Variants in CCDC102B observed in about 807,000 individuals in gnomAD.
CCDC102B encodes coiled-coil domain-containing protein 102B.
Under a neutral mutation model 57.4 loss-of-function variants are expected in CCDC102B, and 75 were observed. That is an observed-to-expected ratio of 1.31 (90% CI 1.08 to 1.58). The LOEUF (loss-of-function observed/expected upper bound fraction) is 1.58, where lower values mean the gene tolerates loss of function less well. Ranked by LOEUF, CCDC102B falls within the 40% of genes most tolerant of loss-of-function variation. CCDC102B has a pLI of 0.00. For missense variants in CCDC102B, 636 were observed against 582.6 expected (o/e 1.09, Z -0.94); for synonymous variants, 206 against 201.9 (o/e 1.02, Z -0.17).
At chr18:68,990,849 G>C (rs1278109342) in intron 6 of CCDC102B, among the ~76,000 whole-genome samples, 3 of 152,118 alleles carry the variant, frequency 2.0e-5, no homozygotes, top group Non-Finnish European at 4.4e-5. Context: ...TTTAAGAGCT[G>C]TTAATATACT....
chr18:68,855,874 T>C (rs1271085388), intron 4 of CCDC102B, among the ~76,000 whole-genome samples: 1 of 152,134 alleles, frequency 6.6e-6, no homozygotes, highest in Non-Finnish European at 1.5e-5. Flanking sequence ...CTCTTTCCCA[T>C]AGGAAAAATT....
chr18:68,792,592 C>T (rs1439453230), intron 2 of CCDC102B, among the ~76,000 whole-genome samples: 2 of 152,172 alleles, frequency 1.3e-5, no homozygotes, highest in African/African-American at 2.4e-5. Flanking sequence ...GTGTTTGTGA[C>T]GTACTGTTTT....
At chr18:68,719,888 C>A (rs2032233116) in intron 2 of CCDC102B, among the ~76,000 whole-genome samples, 1 of 152,030 alleles carries the variant, frequency 6.6e-6, no homozygotes, top group Non-Finnish European at 1.5e-5. Flanking sequence ...ACAAACAGGC[C>A]CATTTCACTT....
chr18:69,012,339 A>G (rs2145397206), intron 7 of CCDC102B, among the ~76,000 whole-genome samples: 1 of 152,226 alleles, frequency 6.6e-6, no homozygotes, highest in Middle Eastern at 3.4e-3. Context: ...TTAAGATATC[A>G]CCTGAGACTA....
intron 7 of CCDC102B, among the ~76,000 whole-genome samples, chr18:69,050,704 C>A (rs2052682645): frequency 6.6e-6 from 1 of 152,090 alleles, no homozygotes; most frequent in South Asian, 2.1e-4. Flanking sequence ...GAAACTTGCT[C>A]TTAGACACAC....
intron 7 of CCDC102B, among the ~76,000 whole-genome samples, chr18:69,021,781 T>C (rs1193929984): frequency 6.6e-6 from 1 of 152,214 alleles, no homozygotes; most frequent in Non-Finnish European, 1.5e-5. Context: ...CTGCCAGCTC[T>C]GTCGTGCTGC....
intron 7 of CCDC102B, among the ~76,000 whole-genome samples, chr18:69,044,387 A>G (rs2052507293): frequency 6.6e-6 from 1 of 152,206 alleles, no homozygotes; most frequent in South Asian, 2.1e-4. Context: ...TGCCAAAGGC[A>G]TAGTGTGCTC....
chr18:68,874,928 T>A, intron 5 of CCDC102B, 143 bp downstream of exon 5: 1 of 546,196 alleles, frequency 1.8e-6, no homozygotes, highest in Non-Finnish European at 3.3e-6. Flanking sequence ...TCAGCTTATA[T>A]GTGATTTAAA....
chr18:68,729,512 T>C (rs572828970), intron 2 of CCDC102B, among the ~76,000 whole-genome samples: 7 of 152,196 alleles, frequency 4.6e-5, no homozygotes, highest in Non-Finnish European at 8.8e-5. Context: ...AATTCAGGCA[T>C]TAATGGAAAC....
intron 4 of CCDC102B, among the ~76,000 whole-genome samples, chr18:68,862,448 A>G (rs1167602541): frequency 6.6e-6 from 1 of 152,184 alleles, no homozygotes; most frequent in Admixed American, 6.5e-5. Flanking sequence ...CATTTATAAT[A>G]GACACAATAG....
At chr18:68,760,802 T>G (rs1370586173) in intron 2 of CCDC102B, among the ~76,000 whole-genome samples, 1 of 151,944 alleles carries the variant, frequency 6.6e-6, no homozygotes, top group Non-Finnish European at 1.5e-5. Context: ...AGAAAACCAG[T>G]AAAGTGCTTG....
chr18:68,925,318 C>A (rs2041440964), intron 6 of CCDC102B, among the ~76,000 whole-genome samples: 1 of 152,000 alleles, frequency 6.6e-6, no homozygotes, highest in South Asian at 2.1e-4. Context: ...ATCTGGCTTG[C>A]TGTGATGGTA....
intron 2 of CCDC102B, among the ~76,000 whole-genome samples, chr18:68,782,133 A>G (rs1676853): frequency 0.072 from 11,022 of 152,110 alleles, 760 homozygotes; most frequent in African/African-American, 0.18. Context: ...GAATTTTCTT[A>G]GAAAGATGGT....
At chr18:68,948,052 GC>G (rs1236133183) in intron 6 of CCDC102B, among the ~76,000 whole-genome samples, 1 of 151,922 alleles carries the variant, frequency 6.6e-6, no homozygotes, top group African/African-American at 2.4e-5. Context: ...AATTTGAAAT[GC>G]TTTTGCAATA....
intron 6 of CCDC102B, among the ~76,000 whole-genome samples, chr18:68,998,487 A>T (rs2051096111): frequency 6.7e-6 from 1 of 149,578 alleles, no homozygotes; most frequent in South Asian, 2.1e-4. Flanking sequence ...AATAGGATAG[A>T]TGCATAGGAA....
chr18:69,042,136 C>G (rs1221217404), intron 7 of CCDC102B, among the ~76,000 whole-genome samples: 1 of 151,948 alleles, frequency 6.6e-6, no homozygotes. Flanking sequence ...GAAGGAGGAG[C>G]AGCATGGAAA....
Position 68,734,269 on chromosome 18 carries a change from A to G in CCDC102B, c.-67+17675A>G, listed in dbSNP as rs563172484. Among the ~76,000 whole-genome samples the G allele has an allele frequency of 2.0e-5, 3 of 152,322 alleles. No individual in the cohort carries two copies. In the South Asian group the frequency reaches 6.2e-4, roughly 32 times the overall value. Reference sequence around the variant, plus strand: ...TTAAGAGGCACAGGTGACAGCAGATACCTAGCTCTGAAAAGACAAATAGTT... The same window carrying G: ...TTAAGAGGCACAGGTGACAGCAGATGCCTAGCTCTGAAAAGACAAATAGTT... On this transcript the variant is annotated intron_variant, in intron 2 of 3. Coordinates refer to the CCDC102B transcript ENST00000578970.
intron 2 of CCDC102B, among the ~76,000 whole-genome samples, chr18:68,787,092 G>T (rs2035242105): frequency 6.6e-6 from 1 of 151,128 alleles, no homozygotes; most frequent in African/African-American, 2.4e-5. Flanking sequence ...TAATCATGTG[G>T]TTTTTGTCTT....
chr18:68,760,657 C>T (rs17079657), intron 2 of CCDC102B, among the ~76,000 whole-genome samples: 9,781 of 152,020 alleles, frequency 0.064, 594 homozygotes, highest in African/African-American at 0.15. Flanking sequence ...AAAGCAAATG[C>T]GTGGTGCTAT....
Sources: gnomAD v4.1 joint callset for allele counts (sites outside exome capture counted in the v4.1 genomes callset) on GRCh38, gnomAD v4.1.1 for gene constraint, MANE v1.5 for transcripts, NCBI Gene and HGNC (gene_info 2026-07-23, HGNC 2026-07-21) for gene names.